The following TOGARAM2 variants were observed in gnomAD, a reference collection of about 807,000 sequenced individuals.
TOGARAM2 encodes the protein TOG array regulator of axonemal microtubules protein 2.
A neutral mutation model predicts 93.3 loss-of-function variants in TOGARAM2; 85 were observed. That is an observed-to-expected ratio of 0.91 (90% confidence interval 0.76 to 1.09). TOGARAM2 has a LOEUF of 1.09. TOGARAM2 is among the 50% of genes least tolerant of loss of function. The probability of loss-of-function intolerance (pLI) is 0.00; values close to 1 mark genes in which losing one functional copy is unlikely to be tolerated. For synonymous variants in TOGARAM2, 593 were observed against 552.8 expected, an observed-to-expected ratio of 1.07 and a Z score of -1.02; for missense variants, 1,277 against 1,334.5, an observed-to-expected ratio of 0.96 and a Z score of 0.67.
At chr2:29,033,178 C>A (rs544773679) in intron 15 of TOGARAM2, 127 bp downstream of exon 15, 3 of 761,390 alleles carry the variant, frequency 3.9e-6, no homozygotes, top group African/African-American at 3.5e-5. Context: ...TCATCCACTA[C>A]TCCTGATAGG....
intron 13 of TOGARAM2, among the ~76,000 whole-genome samples, chr2:29,025,798 C>T (rs997173154): frequency 6.6e-6 from 1 of 152,178 alleles, no homozygotes. Flanking sequence ...TTGTTATGGT[C>T]ACCAACTCAC....
intron 13 of TOGARAM2, among the ~76,000 whole-genome samples, chr2:29,026,524 G>T (rs890441524): frequency 6.6e-6 from 1 of 152,172 alleles, no homozygotes; most frequent in Non-Finnish European, 1.5e-5. Context: ...GACTTTTCTA[G>T]GTGGAGGGAA....
chr2:29,002,934 C>T (rs953429365), intron 5 of TOGARAM2, among the ~76,000 whole-genome samples, 187 bp downstream of exon 5: 6 of 152,210 alleles, frequency 3.9e-5, no homozygotes, highest in Non-Finnish European at 8.8e-5. Flanking sequence ...ACCACCTCCC[C>T]CAGCATCTCA....
At chr2:28,988,931 C>A (rs901433506) in intron 1 of TOGARAM2, among the ~76,000 whole-genome samples, 2 of 152,210 alleles carry the variant, frequency 1.3e-5, no homozygotes, top group Admixed American at 1.3e-4. Flanking sequence ...ACTCCCCTGG[C>A]CTCCCTGGCT....
chr2:29,011,627 A>T (rs1461875760), intron 7 of TOGARAM2, 126 bp downstream of exon 7: 2 of 976,286 alleles, frequency 2.0e-6, no homozygotes, highest in East Asian at 6.0e-5. Flanking sequence ...TTCATTTCAC[A>T]GCAGGAAGCT....
At chr2:29,029,482 T>C (rs1438753979) in intron 14 of TOGARAM2, among the ~76,000 whole-genome samples, 10 of 151,994 alleles carry the variant, frequency 6.6e-5, no homozygotes, top group Admixed American at 1.3e-4. Context: ...ATGGGCCGGG[T>C]GCGGTGGCTC....
intron 1 of TOGARAM2, among the ~76,000 whole-genome samples, chr2:28,964,510 A>T (rs1671841792): frequency 6.8e-6 from 1 of 147,730 alleles, no homozygotes; most frequent in African/African-American, 2.5e-5. Context: ...TCTGGGTTAC[A>T]TCTGGAGGAT....
intron 14 of TOGARAM2, among the ~76,000 whole-genome samples, chr2:29,031,245 C>T (rs189307203): frequency 1.1e-4 from 16 of 152,272 alleles, no homozygotes; most frequent in African/African-American, 3.9e-4. Context: ...TCATTGCACA[C>T]TACAGCCTTG....
At chr2:28,969,144 A>G (rs575152129) in intron 1 of TOGARAM2, among the ~76,000 whole-genome samples, 6 of 152,362 alleles carry the variant, frequency 3.9e-5, no homozygotes, top group African/African-American at 1.2e-4. Context: ...GCACCGTGAT[A>G]GGCCGTGCAG....
At chr2:28,960,097 G>A (rs530493076) in intron 1 of TOGARAM2, among the ~76,000 whole-genome samples, 3 of 152,306 alleles carry the variant, frequency 2.0e-5, no homozygotes, top group East Asian at 1.9e-4. Context: ...TGGGACCACC[G>A]TTGTATATGT....
intron 14 of TOGARAM2, among the ~76,000 whole-genome samples, chr2:29,028,757 C>T (rs1004749570): frequency 3.3e-5 from 5 of 152,246 alleles, no homozygotes; most frequent in African/African-American, 9.6e-5. Context: ...TGGGTGGCTT[C>T]GGCCAACAGC....
chr2:29,013,461 G>A (rs866647752), intron 7 of TOGARAM2, among the ~76,000 whole-genome samples: 2 of 152,162 alleles, frequency 1.3e-5, no homozygotes, highest in Admixed American at 6.5e-5. Context: ...GCTGGTAGTG[G>A]CTCAGTCCAA....
At chr2:28,967,622 C>G (rs903886318) in intron 1 of TOGARAM2, among the ~76,000 whole-genome samples, 1 of 152,042 alleles carries the variant, frequency 6.6e-6, no homozygotes, top group Non-Finnish European at 1.5e-5. Context: ...GTGACTTTTC[C>G]TATAAAGAAA....
chr2:29,049,687 AGT>A (rs1054807754), intron 19 of TOGARAM2: 2 of 152,176 alleles, frequency 1.3e-5, no homozygotes, highest in African/African-American at 4.8e-5. Flanking sequence ...CTTTCCAACC[AGT>A]GTACCTCTTT....
chr2:29,006,869 C>G, intron 6 of TOGARAM2, among the ~76,000 whole-genome samples: 1 of 152,198 alleles, frequency 6.6e-6, no homozygotes, highest in African/African-American at 2.4e-5. Flanking sequence ...CTCGGAGCAG[C>G]CTTATCTGTG....
chr2:29,005,899 GAGTGCGTGTGTGTA>G (rs1468517143), intron 6 of TOGARAM2, among the ~76,000 whole-genome samples: 4 of 151,162 alleles, frequency 2.6e-5, no homozygotes, highest in Admixed American at 2.0e-4. Flanking sequence ...GTATGTGTGT[GAGTGCGTGTGTGTA>G]AGTGCATGTG....
intron 1 of TOGARAM2, among the ~76,000 whole-genome samples, chr2:28,961,740 A>G (rs547078737): frequency 6.6e-6 from 1 of 152,244 alleles, no homozygotes. Context: ...ATCCAGATAC[A>G]GAAGATTTCT....
At chr2:28,957,488 G>C (rs760198346) in intron 1 of TOGARAM2, among the ~76,000 whole-genome samples, 7 of 152,140 alleles carry the variant, frequency 4.6e-5, no homozygotes, top group Non-Finnish European at 1.0e-4. Context: ...GCCAAGAATT[G>C]ATTTCATTAC....
At chr2:28,958,584 G>A (rs2148210725) in intron 1 of TOGARAM2, among the ~76,000 whole-genome samples, 1 of 152,298 alleles carries the variant, frequency 6.6e-6, no homozygotes, top group Non-Finnish European at 1.5e-5. Flanking sequence ...TTACAGGCGT[G>A]AGCCACTACA....
Sources: allele counts gnomAD v4.1 joint callset (sites outside exome capture counted in the v4.1 genomes callset), GRCh38; gene constraint gnomAD v4.1.1; transcripts MANE v1.5; gene names NCBI Gene and HGNC (gene_info 2026-07-23, HGNC 2026-07-21).